ODAD2: variants seen among roughly 807,000 people sequenced by gnomAD.
ODAD2 encodes outer dynein arm-docking complex subunit 2.
ODAD2 carries 89 observed loss-of-function variants against 106.8 expected under a neutral mutation model. That is an observed-to-expected ratio of 0.83 (90% confidence interval 0.70 to 0.99). The LOEUF (loss-of-function observed/expected upper bound fraction) is 0.99. Among genes scored for constraint, ODAD2 ranks in the 50% least tolerant of loss-of-function variants. The pLI is 0.00. For synonymous variants in ODAD2, 404 were observed against 436.2 expected (o/e 0.93, Z 0.92); for missense variants, 1,168 against 1,238.5 (o/e 0.94, Z 0.85).
chr10:27,864,543 C>A (rs112954149), intron 17 of ODAD2, among the ~76,000 whole-genome samples: 1 of 129,994 alleles, frequency 7.7e-6, no homozygotes, highest in South Asian at 2.7e-4. Context: ...GAGGTGAGAG[C>A]GGGGAGTGAG....
chr10:27,999,269 G>C (rs1332523332), upstream of ODAD2, among the ~76,000 whole-genome samples: 2 of 152,202 alleles, frequency 1.3e-5, no homozygotes, highest in Non-Finnish European at 2.9e-5. Flanking sequence ...TCGGCGGCAA[G>C]TTAGCAGAAA....
chr10:27,885,365 C>G, intron 17 of ODAD2, among the ~76,000 whole-genome samples: 1 of 147,184 alleles, frequency 6.8e-6, no homozygotes. Context: ...CAATAATTAG[C>G]CAGGCATGGT....
At chr10:27,982,235 T>C (rs940423270) in intron 6 of ODAD2, among the ~76,000 whole-genome samples, 7 of 152,170 alleles carry the variant, frequency 4.6e-5, no homozygotes, top group Non-Finnish European at 7.3e-5. Flanking sequence ...CAGTTTGTTA[T>C]ATATAACTGT....
chr10:27,978,455 T>G (rs1166143432), intron 7 of ODAD2, among the ~76,000 whole-genome samples: 1 of 152,166 alleles, frequency 6.6e-6, no homozygotes, highest in South Asian at 2.1e-4. Context: ...CCCATGTGCA[T>G]ATTTTACTCA....
At chr10:27,977,988 T>G (rs1849306296) in intron 7 of ODAD2, among the ~76,000 whole-genome samples, 1 of 152,210 alleles carries the variant, frequency 6.6e-6, no homozygotes, top group Non-Finnish European at 1.5e-5. Flanking sequence ...AACATACAAC[T>G]ACCATATGAT....
intron 10 of ODAD2, among the ~76,000 whole-genome samples, chr10:27,961,028 G>A (rs539537047): frequency 9.9e-5 from 15 of 152,060 alleles, no homozygotes; most frequent in Non-Finnish European, 1.9e-4. Flanking sequence ...GCTATCTGAC[G>A]TGAGAGAAAT....
chr10:27,949,071 C>T (rs143680875), intron 10 of ODAD2, among the ~76,000 whole-genome samples: 8 of 152,186 alleles, frequency 5.3e-5, no homozygotes, highest in African/African-American at 1.9e-4. Context: ...ATGCCCCTCC[C>T]TTACCATTGA....
chr10:27,920,256 C>A (rs1205149888), intron 16 of ODAD2, among the ~76,000 whole-genome samples: 1 of 152,046 alleles, frequency 6.6e-6, no homozygotes, highest in Non-Finnish European at 1.5e-5. Context: ...TGTTAATTTT[C>A]ATTATTCACT....
At chr10:27,901,099 A>G (rs891395756) in intron 17 of ODAD2, among the ~76,000 whole-genome samples, 1 of 152,232 alleles carries the variant, frequency 6.6e-6, no homozygotes, top group Admixed American at 6.5e-5. Context: ...AGCCCATCAG[A>G]CTAACAGTGG....
chr10:27,945,364 G>A (rs960950324), intron 10 of ODAD2, among the ~76,000 whole-genome samples: 2 of 152,166 alleles, frequency 1.3e-5, no homozygotes, highest in African/African-American at 2.4e-5. Context: ...AGAACAGTCC[G>A]GAATAGGGAG....
chr10:27,852,396 G>A (rs1320067901), intron 19 of ODAD2, among the ~76,000 whole-genome samples: 1 of 152,108 alleles, frequency 6.6e-6, no homozygotes, highest in Non-Finnish European at 1.5e-5. Context: ...AGTGGGGAGG[G>A]CAAAAATGGA....
intron 19 of ODAD2, among the ~76,000 whole-genome samples, chr10:27,822,843 T>C (rs1392370672): frequency 6.6e-6 from 1 of 152,222 alleles, no homozygotes; most frequent in African/African-American, 2.4e-5. Context: ...ATCTGCTTAT[T>C]GGATCCAGTG....
At chr10:27,958,917 G>A (rs1420449728) in intron 10 of ODAD2, 8 of 1,303,728 alleles carry the variant, frequency 6.1e-6, no homozygotes, top group Non-Finnish European at 7.1e-6. Flanking sequence ...AATTACTCTG[G>A]TATTCTGCTT....
intron 16 of ODAD2, among the ~76,000 whole-genome samples, chr10:27,910,596 T>G (rs896869016): frequency 6.6e-6 from 1 of 151,132 alleles, no homozygotes; most frequent in Non-Finnish European, 1.5e-5. Flanking sequence ...CTACAAAAAA[T>G]ACAAAAAAAA....
intron 19 of ODAD2, among the ~76,000 whole-genome samples, chr10:27,840,566 T>G (rs1163406341): frequency 6.6e-6 from 1 of 152,082 alleles, no homozygotes; most frequent in Non-Finnish European, 1.5e-5. Flanking sequence ...TCAGCTTCCC[T>G]TGTCTGAGAT....
chr10:27,819,144 C>T (rs1309550208), intron 19 of ODAD2, among the ~76,000 whole-genome samples: 1 of 152,122 alleles, frequency 6.6e-6, no homozygotes, highest in African/African-American at 2.4e-5. Context: ...TGATGATTCC[C>T]CCAGCCTTCT....
intron 19 of ODAD2, among the ~76,000 whole-genome samples, chr10:27,831,255 A>G (rs1837455024): frequency 2.0e-5 from 3 of 152,160 alleles, no homozygotes; most frequent in Non-Finnish European, 2.9e-5. Context: ...CAAATGCTCT[A>G]TGAATTGGAG....
intron 17 of ODAD2, among the ~76,000 whole-genome samples, chr10:27,864,931 C>G (rs1270622103): frequency 6.6e-6 from 1 of 152,108 alleles, no homozygotes; most frequent in Non-Finnish European, 1.5e-5. Flanking sequence ...AAAAGTGAGG[C>G]TCAAAGAGGT....
chr10:27,940,835 G>A (rs1846364693), intron 12 of ODAD2, 30 bp from the exon 13 acceptor site: 6 of 1,596,572 alleles, frequency 3.8e-6, no homozygotes, highest in Middle Eastern at 1.7e-4. Context: ...CAATGTTCAT[G>A]GAAATCTTAA....
Sources: allele counts gnomAD v4.1 joint callset (sites outside exome capture counted in the v4.1 genomes callset), GRCh38; gene constraint gnomAD v4.1.1; transcripts MANE v1.5; gene names NCBI Gene and HGNC (gene_info 2026-07-23, HGNC 2026-07-21).